The following OPCML variants were observed in gnomAD, a reference collection of about 807,000 sequenced individuals.
The protein encoded by OPCML is opioid binding protein/cell adhesion molecule like.
A neutral mutation model predicts 37.8 loss-of-function variants in OPCML; 13 were observed. The ratio of observed to expected loss-of-function variants is 0.34; its 90% CI spans 0.22 to 0.55. The LOEUF (loss-of-function observed/expected upper bound fraction) is 0.55, where lower values mean the gene tolerates loss of function less well. Ranked by LOEUF, OPCML falls within the 20% of genes least tolerant of loss-of-function variation. The pLI is 0.91. For synonymous variants in OPCML, 176 were observed against 168.8 expected, an observed-to-expected ratio of 1.04 and a Z score of -0.33; for missense variants, 341 against 435.6, an observed-to-expected ratio of 0.78 and a Z score of 1.93.
intron 1 of OPCML, chr11:133,297,211 G>A (rs565424244): frequency 2.0e-5 from 3 of 152,260 alleles, no homozygotes; most frequent in African/African-American, 7.2e-5. Flanking sequence ...AAAGGGAAAA[G>A]GGATAGAGAA....
At chr11:133,220,819 C>A (rs1939785404) in intron 1 of OPCML, among the ~76,000 whole-genome samples, 1 of 152,052 alleles carries the variant, frequency 6.6e-6, no homozygotes. Flanking sequence ...TGCTTAACAG[C>A]CCCCCGATCT....
chr11:132,514,688 A>T (rs947686353), intron 4 of OPCML, among the ~76,000 whole-genome samples: 2 of 152,144 alleles, frequency 1.3e-5, no homozygotes, highest in Non-Finnish European at 2.9e-5. Context: ...AACTGCTTTC[A>T]TGCCTTCTGG....
chr11:133,038,339 C>G (rs976127364), intron 1 of OPCML, among the ~76,000 whole-genome samples: 2 of 152,230 alleles, frequency 1.3e-5, no homozygotes, highest in Non-Finnish European at 2.9e-5. Context: ...CTTCCTTTCA[C>G]AGTCCTGTAG....
chr11:133,276,658 G>A (rs1292097183), intron 1 of OPCML, among the ~76,000 whole-genome samples: 1 of 152,186 alleles, frequency 6.6e-6, no homozygotes, highest in East Asian at 1.9e-4. Context: ...CAAATCTAGA[G>A]ACCTTTTCTT....
intron 3 of OPCML, among the ~76,000 whole-genome samples, chr11:132,639,390 G>A (rs1196247012): frequency 1.3e-5 from 2 of 152,204 alleles, no homozygotes; most frequent in Non-Finnish European, 2.9e-5. Flanking sequence ...GGGGACATGT[G>A]AGCAGGACAA....
intron 1 of OPCML, among the ~76,000 whole-genome samples, chr11:133,439,932 C>T (rs1297041837): frequency 2.0e-5 from 3 of 151,996 alleles, no homozygotes; most frequent in African/African-American, 4.8e-5. Context: ...ATCCAGAACG[C>T]CATTAATGTA....
intron 1 of OPCML, among the ~76,000 whole-genome samples, chr11:133,093,290 T>G (rs1312214029): frequency 6.6e-6 from 1 of 151,858 alleles, no homozygotes; most frequent in Non-Finnish European, 1.5e-5. Context: ...TTTCATTCTT[T>G]TTTTTAAAAT....
intron 2 of OPCML, among the ~76,000 whole-genome samples, chr11:132,878,694 A>G (rs749482444): frequency 1.2e-4 from 18 of 151,844 alleles, no homozygotes; most frequent in Non-Finnish European, 2.2e-4. Flanking sequence ...GTAGATCTCT[A>G]TATAGAGAGT....
chr11:132,690,376 A>T (rs1943349665), intron 2 of OPCML, among the ~76,000 whole-genome samples: 1 of 152,234 alleles, frequency 6.6e-6, no homozygotes, highest in African/African-American at 2.4e-5. Flanking sequence ...ATCTCTAACA[A>T]GATTAGATAA....
At chr11:133,455,976 C>T (rs1460963870) in intron 1 of OPCML, among the ~76,000 whole-genome samples, 5 of 152,274 alleles carry the variant, frequency 3.3e-5, no homozygotes, top group African/African-American at 7.2e-5. Context: ...ACAACATACT[C>T]GCAATGTTCT....
chr11:133,473,736 T>G (rs1451706963), intron 1 of OPCML, among the ~76,000 whole-genome samples: 1 of 152,230 alleles, frequency 6.6e-6, no homozygotes, highest in Non-Finnish European at 1.5e-5. Flanking sequence ...CCTGGATCAC[T>G]GGCCATCTCT....
rs142128085 is a variant in OPCML, at chr11:132,654,521, T to A, written c.379+2566A>T. Among the ~76,000 whole-genome samples the A allele has an allele frequency of 7.4e-3, 1,104 of 149,622 alleles. 4 individuals are homozygous for A. Among genetic ancestry groups the A allele is most frequent in the Admixed American group, 0.012 (174 of 15,104 alleles). On this transcript the variant is annotated intron_variant, in intron 3 of 7. Coordinates refer to ENST00000524381, the MANE Select transcript of OPCML (RefSeq NM_001012393.5). Reference sequence around the variant, plus strand: ...AGAGAAGCTCTTCCCCAAGAGAAGCTCCTCCCCAAGAGAAGCTCCTCCCCA... The same window carrying A: ...AGAGAAGCTCTTCCCCAAGAGAAGCACCTCCCCAAGAGAAGCTCCTCCCCA...
intron 2 of OPCML, among the ~76,000 whole-genome samples, chr11:132,830,772 C>A (rs755805324): frequency 1.3e-4 from 20 of 152,146 alleles, no homozygotes; most frequent in Admixed American, 2.0e-4. Flanking sequence ...ATGTGTCATA[C>A]CTTTCTAAGG....
chr11:133,488,335 A>G (rs1947577514), intron 1 of OPCML, among the ~76,000 whole-genome samples: 1 of 152,164 alleles, frequency 6.6e-6, no homozygotes, highest in South Asian at 2.1e-4. Context: ...TCCTTGTTCA[A>G]TGATGATATG....
intron 1 of OPCML, chr11:133,301,027 A>C (rs1244512906): frequency 6.6e-6 from 1 of 152,178 alleles, no homozygotes; most frequent in African/African-American, 2.4e-5. Flanking sequence ...TGTTATTTCA[A>C]ACCACCAGGT....
At position 133,009,137 on chromosome 11, in the gene OPCML, T is replaced by A. The variant is rs561022715; in HGVS notation, c.62-66127A>T. 4 of 985,362 alleles carry A rather than the reference T, an allele frequency of 4.1e-6. No individual in the cohort carries two copies. In the East Asian group the frequency reaches 4.5e-4, roughly 112 times the overall value. The allele number at this position is 985,362 out of a possible 1,614,324, so 61.0% of individuals were successfully genotyped here. A position where few individuals can be genotyped will look rare whatever the true frequency, so the allele number is the denominator to read the frequency against. ...ATTCTATTTAACAGAGAACACTGAT[T>A]TAGATTAGGATTTATTTACTCTTTG... On this transcript the variant is annotated intron_variant, in intron 1 of 7. Coordinates refer to ENST00000524381, the MANE Select transcript of OPCML (RefSeq NM_001012393.5).
chr11:133,106,038 T>C (rs1180445637), intron 1 of OPCML, among the ~76,000 whole-genome samples: 2 of 152,068 alleles, frequency 1.3e-5, no homozygotes, highest in African/African-American at 4.8e-5. Context: ...GTATGTTCAA[T>C]GGTGCCATTT....
At chr11:132,650,730 G>A (rs1565745533) in intron 3 of OPCML, among the ~76,000 whole-genome samples, 1 of 152,196 alleles carries the variant, frequency 6.6e-6, no homozygotes, top group Non-Finnish European at 1.5e-5. Flanking sequence ...ATGCAGGCCT[G>A]CACTTTTAGG....
At chr11:132,499,828 T>G (rs1427029286) in intron 4 of OPCML, among the ~76,000 whole-genome samples, 1 of 152,122 alleles carries the variant, frequency 6.6e-6, no homozygotes, top group African/African-American at 2.4e-5. Flanking sequence ...CTGCAGGAAG[T>G]TAACATCACG....
Sources: gnomAD v4.1 joint callset for allele counts (sites outside exome capture counted in the v4.1 genomes callset) on GRCh38, gnomAD v4.1.1 for gene constraint, MANE v1.5 for transcripts, NCBI Gene and HGNC (gene_info 2026-07-23, HGNC 2026-07-21) for gene names.